Variants in MRPS31 observed in about 807,000 individuals in gnomAD.
MRPS31 encodes the protein mitochondrial ribosomal protein S31, also known as small ribosomal subunit protein mS31.
Under a neutral mutation model 43.1 loss-of-function variants are expected in MRPS31, and 32 were observed. The ratio of observed to expected loss-of-function variants is 0.74; its 90% confidence interval spans 0.56 to 1.00. The LOEUF (loss-of-function observed/expected upper bound fraction) is 1.00. MRPS31 is among the 50% of genes least tolerant of loss of function. The pLI, the probability that MRPS31 is intolerant of heterozygous loss-of-function variation, is 0.00. For missense variants in MRPS31, 437 were observed against 466.7 expected (o/e 0.94, Z 0.59); for synonymous variants, 165 against 161.6 (o/e 1.02, Z -0.16).
chr13:40,729,580 T>G lies in MRPS31; in HGVS notation c.980A>C (p.Glu327Ala). ...NEAGFDDDGS[E>A]FHEHIFLEKH... Reference sequence around the variant, plus strand: ...CTCCAGAAATATATGTTCATGAAATTCTGAACCATCATCATCAAAACCTAG... The same window carrying G: ...CTCCAGAAATATATGTTCATGAAATGCTGAACCATCATCATCAAAACCTAG... The change falls in exon 7 of 7, where the codon GAA (glutamate) becomes GCA (alanine). Residue 327 changes from glutamate to alanine, a missense_variant. Physicochemically the swap from Glu to Ala is moderately radical, Grantham distance 107. Coordinates refer to ENST00000323563, the MANE Select transcript of MRPS31 (RefSeq NM_005830.4). 1.2e-6 allele frequency: 2 copies of G among 1,613,018 alleles called. No homozygotes were observed. The highest frequency in any genetic ancestry group is 1.7e-6 in the Non-Finnish European group (2 of 1,179,128).
At chr13:40,752,781 T>C (rs1363479768) in intron 5 of MRPS31, among the ~76,000 whole-genome samples, 2 of 152,128 alleles carry the variant, frequency 1.3e-5, no homozygotes, top group African/African-American at 4.8e-5. Context: ...ACTTTGATTC[T>C]TAGGATGGAG....
intron 6 of MRPS31, among the ~76,000 whole-genome samples, chr13:40,742,764 T>G (rs1444872715): frequency 6.6e-6 from 1 of 152,184 alleles, no homozygotes; most frequent in Non-Finnish European, 1.5e-5. Context: ...TGATTAACAT[T>G]CATCCTGACC....
chr13:40,761,150 C>A (rs993917283), intron 2 of MRPS31, among the ~76,000 whole-genome samples: 12 of 151,446 alleles, frequency 7.9e-5, no homozygotes, highest in African/African-American at 2.9e-4. Flanking sequence ...TGCCTATAGT[C>A]CCAGCTACTG....
intron 6 of MRPS31, among the ~76,000 whole-genome samples, chr13:40,746,124 C>G (rs1447508180): frequency 1.3e-5 from 2 of 152,196 alleles, no homozygotes; most frequent in East Asian, 3.8e-4. Context: ...CGATATGTCA[C>G]TTTGTCATTT....
In MRPS31 at chr13:40,771,106, G is replaced by C. The variant is rs1566113976; in HGVS notation, c.31C>G (p.Leu11Val). ...AAAGGGTGGCGGGAAAGGGGGCGAA[G>C]AGGTAGGAACGTCGAGACTCTAGGA... is the stretch of plus-strand genomic sequence containing the variant. MFPRVSTFLP[L>V]RPLSRHPLSS... Residue 11 changes from leucine (L) to valine (V), a missense_variant, in exon 1 of 7, where the codon CTT becomes GTT. Coordinates refer to ENST00000323563, the MANE Select transcript of MRPS31 (RefSeq NM_005830.4). 1 of 1,613,678 alleles carries C rather than the reference G, an allele frequency of 6.2e-7. No homozygotes were observed. The highest frequency in any genetic ancestry group is 1.1e-5 in the South Asian group (1 of 91,000).
At chr13:40,735,336 C>T (rs1263226775) in intron 6 of MRPS31, among the ~76,000 whole-genome samples, 4 of 152,204 alleles carry the variant, frequency 2.6e-5, no homozygotes, top group African/African-American at 7.2e-5. Flanking sequence ...AACTGCAAGG[C>T]GGCAGTGAGG....
chr13:40,742,532 G>C (rs1301318115), intron 6 of MRPS31, among the ~76,000 whole-genome samples: 2 of 152,108 alleles, frequency 1.3e-5, no homozygotes, highest in African/African-American at 4.8e-5. Flanking sequence ...AACAGATCCT[G>C]CTACCTGTCA....
chr13:40,759,175 T>G, intron 2 of MRPS31, 69 bp from the exon 3 acceptor site: 1 of 1,265,898 alleles, frequency 7.9e-7, no homozygotes, highest in Non-Finnish European at 1.1e-6. Flanking sequence ...CGGTGGCTCA[T>G]GCCTGTAATT....
chr13:40,739,569 T>C (rs1362698447), intron 6 of MRPS31, among the ~76,000 whole-genome samples: 4 of 152,138 alleles, frequency 2.6e-5, no homozygotes, highest in Non-Finnish European at 5.9e-5. Context: ...CAAAACAGCA[T>C]GGTACTGGTA....
chr13:40,737,310 T>A (rs1210274957), intron 6 of MRPS31, among the ~76,000 whole-genome samples: 3 of 151,590 alleles, frequency 2.0e-5, no homozygotes, highest in Non-Finnish European at 2.9e-5. Flanking sequence ...CAAAGAGACT[T>A]AAGACTCCCA....
At chr13:40,731,844 G>A (rs755812190) in intron 6 of MRPS31, among the ~76,000 whole-genome samples, 3 of 152,056 alleles carry the variant, frequency 2.0e-5, no homozygotes, top group Non-Finnish European at 4.4e-5. Flanking sequence ...CTGGCTGTAT[G>A]AATATCAGAT....
At chr13:40,738,060 AAGAG>A (rs1210134871) in intron 6 of MRPS31, among the ~76,000 whole-genome samples, 1 of 152,194 alleles carries the variant, frequency 6.6e-6, no homozygotes, top group Admixed American at 6.5e-5. Flanking sequence ...TAAAGAAAAA[AAGAG>A]AGAAGAATCA....
chr13:40,744,590 C>T (rs1196561701), intron 6 of MRPS31, among the ~76,000 whole-genome samples: 1 of 152,182 alleles, frequency 6.6e-6, no homozygotes, highest in African/African-American at 2.4e-5. Flanking sequence ...GAGATAGAGT[C>T]GCGCTCTGTA....
Position 40,751,045 on chromosome 13 carries a change from C to G in MRPS31, c.815-1764G>C, listed in dbSNP as rs1386053123. 3.3e-5 allele frequency among the ~76,000 whole-genome samples: 5 copies of G among 151,992 alleles called. No homozygotes were observed. The East Asian group carries it at 7.7e-4, about 24-fold the overall frequency. On this transcript the variant is annotated intron_variant, in intron 5 of 6. Coordinates refer to ENST00000323563, the MANE Select transcript of MRPS31 (RefSeq NM_005830.4). ...TCAATTACTCTTCTACCTGGGTAAG[C>G]CTTATTTTATCTATTTTGCTTTTTC...
At position 40,754,064 on chromosome 13, in the gene MRPS31, TAA is replaced by T. The variant is rs1880464668; in HGVS notation, c.767_768del (p.Leu256GlnfsTer4). 2 of 1,599,626 alleles carry T rather than the reference TAA, an allele frequency of 1.3e-6. No individual in the cohort carries two copies. The highest frequency in any genetic ancestry group is 1.1e-5 in the South Asian group (1 of 89,316). On this transcript the variant is annotated frameshift_variant, in exon 5 of 7. Coordinates refer to ENST00000323563, the MANE Select transcript of MRPS31 (RefSeq NM_005830.4). LOFTEE classifies it high-confidence loss of function. ...GTAACTGCCATCATGTCAAAAATAT[TAA>T]GTCTTTTCCCTGTGAATATATTTTT... ...KRKNIFTGKRLNIFDMMAVTK... is the reference protein window; with the variant it reads ...KRKNIFTGKRXNIFDMMAVTK...
In MRPS31 at chr13:40,766,776, C is replaced by A; in HGVS notation, c.410G>T (p.Arg137Leu). ...CTTTGGAGCATATTCTGTAGCTCTTCGAAGCCTGCCAAGTGTAGCTTCCAA... is the reference window on the plus strand; with the variant it reads ...CTTTGGAGCATATTCTGTAGCTCTTAGAAGCCTGCCAAGTGTAGCTTCCAA... ...KSLEATLGRL[R>L]RATEYAPKKR... Residue 137 changes from arginine (R) to leucine (L), a missense_variant, in exon 2 of 7, where the codon CGA becomes CTA. Arg to Leu is a moderately radical substitution (Grantham distance 102). Transcript: ENST00000323563. The A allele has an allele frequency of 4.3e-6, 7 of 1,612,100 alleles. No homozygotes were observed. Among genetic ancestry groups the A allele is most frequent in the Non-Finnish European group, 5.9e-6 (7 of 1,179,458 alleles).
chr13:40,736,999 G>C (rs1822538807), intron 6 of MRPS31, among the ~76,000 whole-genome samples: 2 of 151,340 alleles, frequency 1.3e-5, no homozygotes, highest in African/African-American at 4.9e-5. Context: ...ATTGGATAAA[G>C]AGTCAAGACC....
intron 2 of MRPS31, among the ~76,000 whole-genome samples, chr13:40,765,621 C>T (rs1217194517): frequency 6.6e-6 from 1 of 152,080 alleles, no homozygotes; most frequent in East Asian, 1.9e-4. Flanking sequence ...TCTGAATTAG[C>T]TTACTCTACT....
intron 1 of MRPS31, among the ~76,000 whole-genome samples, chr13:40,770,101 A>T (rs1429055077): frequency 1.3e-5 from 2 of 152,210 alleles, no homozygotes; most frequent in African/African-American, 4.8e-5. Flanking sequence ...ATACCCTAAT[A>T]CTCCAACGCA....
Sources: gnomAD v4.1 joint callset for allele counts (sites outside exome capture counted in the v4.1 genomes callset) on GRCh38, gnomAD v4.1.1 for gene constraint, MANE v1.5 for transcripts, NCBI Gene and HGNC (gene_info 2026-07-23, HGNC 2026-07-21) for gene names.